Variants in DOP1A observed in about 807,000 individuals in gnomAD.
The protein encoded by DOP1A is protein DOP1A.
A neutral mutation model predicts 267.6 loss-of-function variants in DOP1A; 90 were observed. The observed-to-expected ratio is 0.34, with a 90% CI of 0.28 to 0.40. DOP1A has a LOEUF of 0.40. Among genes scored for constraint, DOP1A ranks in the 10% least tolerant of loss-of-function variants. The pLI is 1.00. For missense variants in DOP1A, 2,437 were observed against 2,900.4 expected (o/e 0.84, Z 3.67); for synonymous variants, 932 against 999.1 (o/e 0.93, Z 1.27).
intron 4 of DOP1A, among the ~76,000 whole-genome samples, chr6:83,106,545 C>T (rs1042675112): frequency 6.6e-6 from 1 of 151,962 alleles, no homozygotes; most frequent in African/African-American, 2.4e-5. Flanking sequence ...CTCAGTGGCT[C>T]ACGCCTGTAA....
chr6:83,117,117 C>CTTTTT (rs1554232806), intron 7 of DOP1A, among the ~76,000 whole-genome samples: 10 of 104,718 alleles, frequency 9.5e-5, no homozygotes, highest in Admixed American at 9.0e-4. Context: ...AATTTTAGTA[C>CTTTTT]TTTTTTATTT....
intron 38 of DOP1A, chr6:83,167,452 A>T (rs1358941394): frequency 3.0e-6 from 3 of 984,906 alleles, no homozygotes; most frequent in Middle Eastern, 5.2e-4. Context: ...ATATATTATG[A>T]AATGTATAAA....
chr6:83,116,335 G>GA (rs1427152819), intron 7 of DOP1A, among the ~76,000 whole-genome samples: 10 of 152,024 alleles, frequency 6.6e-5, no homozygotes. Context: ...TTCATGATTG[G>GA]ATATTAAGGA....
chr6:83,135,614 T>G lies in DOP1A; in HGVS notation c.2871-5T>G. ...CTTTATTTTAATTATTTGTGTTTATTTTAGGTCACTGTTCATCATGTTAGA... is the reference window on the plus strand; with the variant it reads ...CTTTATTTTAATTATTTGTGTTTATGTTAGGTCACTGTTCATCATGTTAGA... On this transcript the variant is annotated splice_polypyrimidine_tract_variant and splice_region_variant and intron_variant, in intron 19 of 38. Transcript: ENST00000349129. 1 of 1,606,800 alleles carries G rather than the reference T, an allele frequency of 6.2e-7. No individual in the cohort carries two copies. Among genetic ancestry groups the G allele is most frequent in the Non-Finnish European group, 8.5e-7 (1 of 1,175,188 alleles).
chr6:83,154,818 G>A (rs1293749390), intron 33 of DOP1A, among the ~76,000 whole-genome samples: 2 of 151,654 alleles, frequency 1.3e-5, no homozygotes, highest in African/African-American at 2.4e-5. Context: ...TTTAAAAAAC[G>A]TTTGAAAGTT....
Position 83,162,856 on chromosome 6 carries a change from A to G in DOP1A, c.7029A>G (p.Ile2343Met), listed in dbSNP as rs370423377. Residue 2343 changes from isoleucine to methionine, a missense_variant, in exon 38 of 39, where the codon ATA becomes ATG. Transcript: ENST00000349129. ...GTTTGGAAGTCAGAAGGCAGGGTAT[A>G]CATCAACGAGAATTTAAACCTTACG... ...DSGLEVRRQG[I>M]HQREFKPYVV... 8.1e-6 allele frequency: 13 copies of G among 1,613,582 alleles called. No individual in the cohort carries two copies. Among genetic ancestry groups the G allele is most frequent in the Non-Finnish European group, 1.0e-5 (12 of 1,179,674 alleles).
chr6:83,083,007 C>T (rs1768410408), intron 1 of DOP1A, among the ~76,000 whole-genome samples: 1 of 151,986 alleles, frequency 6.6e-6, no homozygotes, highest in South Asian at 2.1e-4. Context: ...GGGATTTCAC[C>T]ATGTTGGCCA....
At chr6:83,142,356 A>G (rs1226692517) in intron 24 of DOP1A, among the ~76,000 whole-genome samples, 10 of 152,036 alleles carry the variant, frequency 6.6e-5, no homozygotes, top group African/African-American at 1.4e-4. Flanking sequence ...AAAAATACAA[A>G]AATTAGCCAG....
intron 6 of DOP1A, among the ~76,000 whole-genome samples, chr6:83,112,393 C>T (rs1774714479): frequency 6.6e-6 from 1 of 151,736 alleles, no homozygotes; most frequent in Admixed American, 6.6e-5. Context: ...TAAAGCTAAG[C>T]AAGCATGTGG....
chr6:83,145,028 ATG>A (rs1780279924), intron 24 of DOP1A, among the ~76,000 whole-genome samples: 1 of 143,840 alleles, frequency 7.0e-6, no homozygotes, highest in Non-Finnish European at 1.5e-5. Context: ...GCTTAAACCT[ATG>A]AGGTTGAGGC....
At chr6:83,131,329 T>G (rs1170220691) in intron 17 of DOP1A, among the ~76,000 whole-genome samples, 4 of 152,214 alleles carry the variant, frequency 2.6e-5, no homozygotes. Context: ...TAGAGTTGGA[T>G]TCTATAATAT....
In DOP1A at chr6:83,138,760, A is replaced by C; in HGVS notation, c.4718A>C (p.Asp1573Ala). Residue 1573 changes from aspartate to alanine, a missense_variant, in exon 21 of 39, where the codon GAC (aspartate) becomes GCC (alanine). Around this residue, in one of 9 missense-constraint regions of DOP1A, gnomAD observed 878 missense variants for 992.9 expected, o/e 0.88. Coordinates refer to ENST00000349129, the MANE Select transcript of DOP1A (RefSeq NM_015018.4). Reference protein sequence around the residue: ...SLINFSEDEFDNGSTLQSQLL... With the variant: ...SLINFSEDEFANGSTLQSQLL... ...ATTAATTTCTCAGAGGATGAATTTG[A>C]CAATGGCAGCACGTTGCAGTCACAA... 1 of 1,614,040 alleles carries C rather than the reference A, an allele frequency of 6.2e-7. No homozygotes were observed. Among genetic ancestry groups the C allele is most frequent in the Non-Finnish European group, 8.5e-7 (1 of 1,179,952 alleles).
downstream of DOP1A, chr6:83,169,938 T>C: frequency 2.6e-6 from 1 of 388,800 alleles, no homozygotes; most frequent in African/African-American, 2.1e-5. Flanking sequence ...GACTTAGAAA[T>C]GAACTACAAA....
At position 83,109,096 on chromosome 6, in the gene DOP1A, G is replaced by C. The variant is rs1031366257; in HGVS notation, c.491+16G>C. 13 of 1,601,048 alleles carry C rather than the reference G, an allele frequency of 8.1e-6. No homozygotes were observed. The South Asian group carries it at 1.3e-4, about 16-fold the overall frequency. ...ACTATGAGAGGTAAGATCATATTTG[G>C]TGCAGTTATGTAATTGAAGTCATGG... On this transcript the variant is annotated intron_variant, in intron 5 of 38. Transcript: ENST00000349129.
At position 83,137,726 on chromosome 6, in the gene DOP1A, G is replaced by C. The variant is rs1324322729; in HGVS notation, c.3684G>C (p.Val1228=). ...CTGCAGAGGGAGGCCATGAGTGTGT[G>C]GCAAATGGAATCTCCAGGAATAGCT... is the stretch of plus-strand genomic sequence containing the variant. ...SVSAEGGHEC[V]ANGISRNSSS... The change falls in exon 21 of 39, where the codon GTG becomes GTC. Residue 1228 remains valine, a synonymous_variant. Transcript: ENST00000349129. 6.2e-7 allele frequency: 1 copy of C among 1,613,600 alleles called. No individual in the cohort carries two copies. Among genetic ancestry groups the C allele is most frequent in the Admixed American group, 1.7e-5 (1 of 59,968 alleles).
chr6:83,120,628 A>G, intron 9 of DOP1A, 55 bp from the exon 10 acceptor site: 1 of 1,388,636 alleles, frequency 7.2e-7, no homozygotes, highest in Non-Finnish European at 9.8e-7. Flanking sequence ...TTTCTTAAGG[A>G]AAAAATATTT....
chr6:83,121,963 T>G lies in DOP1A; in HGVS notation c.1133T>G (p.Val378Gly), dbSNP rs1178307504. The change falls in exon 11 of 39, where the codon GTG (valine) becomes GGG (glycine). Residue 378 changes from valine to glycine, a missense_variant. Val to Gly is a moderately radical substitution (Grantham distance 109). This residue lies in a region of DOP1A where 498 missense variants were observed against 513.5 expected (regional missense o/e 0.97). Coordinates refer to ENST00000349129, the MANE Select transcript of DOP1A (RefSeq NM_015018.4). The stretch of plus-strand genomic sequence containing the variant: ...ATTCTAGAAGATGTCCTGATTGAAG[T>G]GTTTAGAACATTATATTCTCAATGC... ...PVILEDVLIE[V>G]FRTLYSQCKA... 8 of 1,607,576 alleles carry G rather than the reference T, an allele frequency of 5.0e-6. No homozygotes were observed. The highest frequency in any genetic ancestry group is 6.8e-6 in the Non-Finnish European group (8 of 1,176,208).
In DOP1A at chr6:83,132,212, G is replaced by T; in HGVS notation, c.2653G>T (p.Gly885Trp). Residue 885 changes from glycine (G) to tryptophan (W), a missense_variant, in exon 18 of 39, where the codon GGG becomes TGG. Gly to Trp is a radical substitution (Grantham distance 184). Coordinates refer to ENST00000349129, the MANE Select transcript of DOP1A (RefSeq NM_015018.4). ...ALTLWDQLGD[G>W]TPQHHQKSVE... is the part of the protein sequence containing the mutation. ...AACATTGTGGGACCAGTTGGGAGAT[G>T]GGACACCTCAGCATCACCAGAAGAG... is the stretch of plus-strand genomic sequence containing the variant. 1 of 1,611,828 alleles carries T rather than the reference G, an allele frequency of 6.2e-7. No individual in the cohort carries two copies. Among genetic ancestry groups the T allele is most frequent in the Non-Finnish European group, 8.5e-7 (1 of 1,178,322 alleles).
At chr6:83,071,171 T>G (rs1310405770) in intron 1 of DOP1A, among the ~76,000 whole-genome samples, 3 of 152,220 alleles carry the variant, frequency 2.0e-5, no homozygotes, top group African/African-American at 7.2e-5. Context: ...TGAGACTTTC[T>G]TCTTGATACA....
Sources: allele counts gnomAD v4.1 joint callset (sites outside exome capture counted in the v4.1 genomes callset), GRCh38; gene constraint gnomAD v4.1.1; regional missense constraint gnomAD v4.1.1; transcripts MANE v1.5; gene names NCBI Gene and HGNC (gene_info 2026-07-23, HGNC 2026-07-21).